The following ZNF831 variants were observed in gnomAD, a reference collection of about 807,000 sequenced individuals.
ZNF831 encodes the protein zinc finger protein 831, also known as chromosome 20 open reading frame 174.
A neutral mutation model predicts 95.8 loss-of-function variants in ZNF831; 59 were observed. That is an observed-to-expected ratio of 0.62 (90% CI 0.50 to 0.77). The LOEUF (loss-of-function observed/expected upper bound fraction) is 0.77. Ranked by LOEUF, ZNF831 falls within the 30% of genes least tolerant of loss-of-function variation. ZNF831 has a pLI of 0.00. For missense variants in ZNF831, 2,205 were observed against 2,164.0 expected, an observed-to-expected ratio of 1.02 and a Z score of -0.38; for synonymous variants, 961 against 925.5, an observed-to-expected ratio of 1.04 and a Z score of -0.70.
In ZNF831 at chr20:59,191,282, C is replaced by T. The variant is rs2146545407; in HGVS notation, c.263C>T (p.Pro88Leu). 6.4e-7 allele frequency: 1 copy of T among 1,572,226 alleles called. No homozygotes were observed. Among genetic ancestry groups the T allele is most frequent in the East Asian group, 2.3e-5 (1 of 43,360 alleles). ...VTGSLDGGNV[P>L]FILSPVLQPE... The stretch of plus-strand genomic sequence containing the variant: ...GGCAGCCTAGATGGGGGCAACGTGC[C>T]CTTCATACTCAGCCCTGTGCTGCAG... The change falls in exon 2 of 6, where the codon CCC (proline) becomes CTC (leucine). Residue 88 changes from proline to leucine, a missense_variant. Physicochemically the swap from Pro to Leu is moderately conservative, Grantham distance 98. Transcript: ENST00000371030.
At position 59,253,968 on chromosome 20, in the gene ZNF831, C is replaced by T. The variant is rs202236672; in HGVS notation, c.4259C>T (p.Ser1420Phe). 1 of 1,600,450 alleles carries T rather than the reference C, an allele frequency of 6.2e-7. No homozygotes were observed. The highest frequency in any genetic ancestry group is 2.3e-5 in the East Asian group (1 of 43,272). ...THSTAATSGLSLQSDTCLAVV... is the reference protein window; with the variant it reads ...THSTAATSGLFLQSDTCLAVV... Reference sequence around the variant, plus strand: ...AGCACTGCTGCCACATCAGGATTATCTCTGCAATCTGACACCTGCCTGGCA... The same window carrying T: ...AGCACTGCTGCCACATCAGGATTATTTCTGCAATCTGACACCTGCCTGGCA... Residue 1420 changes from serine (S) to phenylalanine (F), a missense_variant, in exon 6 of 6, where the codon TCT becomes TTT. Physicochemically the swap from Ser to Phe is radical, Grantham distance 155. Coordinates refer to ENST00000371030, the MANE Select transcript of ZNF831 (RefSeq NM_178457.3).
At chr20:59,157,177 A>G (rs1019241016) in intron 2 of ZNF831, among the ~76,000 whole-genome samples, 1 of 152,196 alleles carries the variant, frequency 6.6e-6, no homozygotes, top group Non-Finnish European at 1.5e-5. Flanking sequence ...CATTCTAACT[A>G]TAGTTTTGTA....
At chr20:59,167,143 AT>A (rs1324715706) in intron 1 of ZNF831, among the ~76,000 whole-genome samples, 1 of 152,154 alleles carries the variant, frequency 6.6e-6, no homozygotes, top group Non-Finnish European at 1.5e-5. Context: ...GTGAAGTGAT[AT>A]TTTATTGTGG....
At chr20:59,185,378 C>T (rs534804896) in intron 1 of ZNF831, among the ~76,000 whole-genome samples, 5 of 152,210 alleles carry the variant, frequency 3.3e-5, no homozygotes, top group South Asian at 2.1e-4. Context: ...GGAAACATAG[C>T]GCTCTTTTCC....
intron 1 of ZNF831, among the ~76,000 whole-genome samples, chr20:59,123,716 T>G (rs1979076051): frequency 6.6e-6 from 1 of 151,928 alleles, no homozygotes; most frequent in Non-Finnish European, 1.5e-5. Flanking sequence ...ACAGGGTCAG[T>G]GCAGGTGAGG....
chr20:59,248,298 G>A (rs1190813720), intron 4 of ZNF831, among the ~76,000 whole-genome samples: 2 of 152,242 alleles, frequency 1.3e-5, no homozygotes, highest in Non-Finnish European at 2.9e-5. Context: ...ATCACATTCT[G>A]TGATTTAAAA....
At chr20:59,149,566 C>T (rs1980098697) in intron 2 of ZNF831, among the ~76,000 whole-genome samples, 1 of 152,234 alleles carries the variant, frequency 6.6e-6, no homozygotes, top group South Asian at 2.1e-4. Context: ...AAAATAAGAT[C>T]TCCCTCCTCC....
At chr20:59,203,619 T>TC (rs1484840600) in intron 3 of ZNF831, among the ~76,000 whole-genome samples, 1 of 152,254 alleles carries the variant, frequency 6.6e-6, no homozygotes, top group African/African-American at 2.4e-5. Context: ...CCTGCATTAA[T>TC]CCACTTTTGC....
chr20:59,167,083 C>T (rs987562188), intron 1 of ZNF831, among the ~76,000 whole-genome samples: 4 of 152,240 alleles, frequency 2.6e-5, no homozygotes, highest in Non-Finnish European at 4.4e-5. Context: ...TCCAGATCCT[C>T]GCCAGCATTT....
chr20:59,202,063 C>T (rs1458875095), intron 3 of ZNF831, among the ~76,000 whole-genome samples: 2 of 152,130 alleles, frequency 1.3e-5, no homozygotes, highest in East Asian at 3.9e-4. Context: ...ATGTCCAATG[C>T]CCTGAACACT....
chr20:59,187,372 T>C (rs1420281964), intron 1 of ZNF831, among the ~76,000 whole-genome samples: 5 of 152,120 alleles, frequency 3.3e-5, no homozygotes, highest in African/African-American at 1.2e-4. Flanking sequence ...CACTGGTCTT[T>C]CCGTGATGTG....
chr20:59,133,360 G>A (rs1287037410), intron 1 of ZNF831, among the ~76,000 whole-genome samples: 2 of 151,794 alleles, frequency 1.3e-5, no homozygotes, highest in African/African-American at 2.4e-5. Flanking sequence ...CCTGCATGAC[G>A]TCCATAGGAT....
At chr20:59,233,829 C>T (rs530816475) in intron 4 of ZNF831, among the ~76,000 whole-genome samples, 58 of 152,326 alleles carry the variant, frequency 3.8e-4, no homozygotes, top group Non-Finnish European at 5.1e-4. Flanking sequence ...GAGCTAACAA[C>T]TCTGATCTGA....
chr20:59,239,458 T>C (rs948239994), intron 4 of ZNF831, among the ~76,000 whole-genome samples: 1 of 152,210 alleles, frequency 6.6e-6, no homozygotes, highest in Admixed American at 6.5e-5. Context: ...TGATGACAAC[T>C]GCTTACGGTT....
Position 59,257,522 on chromosome 20 carries a change from G to A in ZNF831, c.*2779G>A, listed in dbSNP as rs1257450538. The A allele has an allele frequency of 1.3e-5, 2 of 152,004 alleles. No homozygotes were observed. Among genetic ancestry groups the A allele is most frequent in the African/African-American group, 4.8e-5 (2 of 41,358 alleles). The allele number at this position is 152,004 out of a possible 1,614,324, so 9.4% of individuals were successfully genotyped here. A position where few individuals can be genotyped will look rare whatever the true frequency, so the allele number is the denominator to read the frequency against. ...ATACAATTATAAGAATACATTTTAAGGGTAACATTAACAACCTAGAACCCA... is the reference window on the plus strand; with the variant it reads ...ATACAATTATAAGAATACATTTTAAAGGTAACATTAACAACCTAGAACCCA... On this transcript the variant is annotated 3_prime_UTR_variant, in exon 6 of 6. Transcript: ENST00000371030.
chr20:59,227,288 T>C (rs1002552267), intron 4 of ZNF831, among the ~76,000 whole-genome samples: 2 of 152,200 alleles, frequency 1.3e-5, no homozygotes, highest in African/African-American at 2.4e-5. Flanking sequence ...GGAGCCTTTG[T>C]ATGAATTTGA....
upstream of ZNF831, among the ~76,000 whole-genome samples, chr20:59,163,079 T>A (rs1007968745): frequency 6.6e-6 from 1 of 151,746 alleles, no homozygotes; most frequent in Non-Finnish European, 1.5e-5. Context: ...ATTGTGTTCT[T>A]GATTTGGCTC....
At chr20:59,148,398 G>A (rs1473510944) in intron 2 of ZNF831, among the ~76,000 whole-genome samples, 2 of 148,384 alleles carry the variant, frequency 1.3e-5, no homozygotes, top group East Asian at 3.9e-4. Flanking sequence ...TTAGAACAGA[G>A]CGGCCGGGCG....
At position 59,217,952 on chromosome 20, in the gene ZNF831, C is replaced by T. The variant is rs1601412167; in HGVS notation, c.4027+10896C>T. 6.6e-6 allele frequency among the ~76,000 whole-genome samples: 1 copy of T among 152,192 alleles called. No homozygotes were observed. Among genetic ancestry groups the T allele is most frequent in the Admixed American group, 6.5e-5 (1 of 15,284 alleles). On this transcript the variant is annotated intron_variant, in intron 4 of 5. Transcript: ENST00000371030. The surrounding 1 kb of genome is among the most constrained non-coding windows in gnomAD (Gnocchi z 4.4). ...CACTGCAAAGGACATCAAGGCCTTC[C>T]TCTGTGCCCAGCCAATTCATTAGAC... is the stretch of plus-strand genomic sequence containing the variant.
Sources: allele counts gnomAD v4.1 joint callset (sites outside exome capture counted in the v4.1 genomes callset), GRCh38; gene constraint gnomAD v4.1.1; non-coding constraint Gnocchi (gnomAD v3.1); transcripts MANE v1.5; gene names NCBI Gene and HGNC (gene_info 2026-07-23, HGNC 2026-07-21).